CDH18: variants seen among roughly 807,000 people sequenced by gnomAD.
CDH18 encodes the protein cadherin 18.
In CDH18, 31 loss-of-function variants were observed where a neutral mutation model predicts 67.9. That is an observed-to-expected ratio of 0.46 (90% confidence interval 0.34 to 0.62). The LOEUF is 0.62. CDH18 is among the 20% of genes least tolerant of loss of function. The pLI is 0.01. For missense variants in CDH18, 890 were observed against 975.5 expected (o/e 0.91, Z 1.17); for synonymous variants, 362 against 347.2 (o/e 1.04, Z -0.48).
At chr5:20,377,028 A>AC (rs1340408899) in intron 1 of CDH18, among the ~76,000 whole-genome samples, 1 of 151,938 alleles carries the variant, frequency 6.6e-6, no homozygotes, top group Non-Finnish European at 1.5e-5. Flanking sequence ...AAAAAAAAAA[A>AC]AAAATATTAG....
chr5:20,060,964 C>T (rs1297971632), intron 2 of CDH18, among the ~76,000 whole-genome samples: 2 of 151,692 alleles, frequency 1.3e-5, no homozygotes, highest in Non-Finnish European at 2.9e-5. Flanking sequence ...AAAAAAGATG[C>T]TTCAAAATAG....
chr5:20,356,719 GTCTCTCTCTCTCTCTC>G lies in CDH18; in HGVS notation c.-579-101230_-579-101215del, dbSNP rs199599355. On this transcript the variant is annotated intron_variant, in intron 1 of 14. Coordinates refer to the CDH18 transcript ENST00000507958. ...TACCTAGATATGGATATATACCAAG[GTCTCTCTCTCTCTCTC>G]TCTCTCTCTCTCTCTCTCTATATAT... Among the ~76,000 whole-genome samples, 214 of 130,022 alleles carry G rather than the reference GTCTCTCTCTCTCTCTC, an allele frequency of 1.6e-3. 1 individual carries two copies. Among genetic ancestry groups the G allele is most frequent in the African/African-American group, 5.4e-3 (189 of 35,066 alleles). The allele number at this position is 130,022 out of a possible 152,430, so 85.3% of individuals were successfully genotyped here. A position where few individuals can be genotyped will look rare whatever the true frequency, so the allele number is the denominator to read the frequency against.
At chr5:19,951,002 A>G (rs1252865992) in intron 2 of CDH18, among the ~76,000 whole-genome samples, 2 of 152,134 alleles carry the variant, frequency 1.3e-5, no homozygotes, top group African/African-American at 4.8e-5. Flanking sequence ...GTGATTGGCT[A>G]TTTTAAGAGT....
chr5:19,496,859 T>C (rs1417406720), intron 11 of CDH18, among the ~76,000 whole-genome samples: 1 of 150,922 alleles, frequency 6.6e-6, no homozygotes, highest in Admixed American at 6.6e-5. Context: ...TTTTTTTCTC[T>C]TCCACTGTCC....
intron 5 of CDH18, among the ~76,000 whole-genome samples, chr5:19,637,241 C>T (rs1028034325): frequency 6.7e-6 from 1 of 149,270 alleles, no homozygotes; most frequent in Non-Finnish European, 1.5e-5. Flanking sequence ...ATTTATTGCA[C>T]AGAGTATGTT....
intron 2 of CDH18, among the ~76,000 whole-genome samples, chr5:19,840,168 T>G (rs894772718): frequency 1.4e-4 from 20 of 148,064 alleles, no homozygotes; most frequent in Non-Finnish European, 3.0e-4. Flanking sequence ...CTCAGGAGGC[T>G]AAGGCAGGAA....
At chr5:19,885,992 T>A (rs1240639691) in intron 2 of CDH18, 2 of 152,220 alleles carry the variant, frequency 1.3e-5, no homozygotes, top group African/African-American at 4.8e-5. Flanking sequence ...AACTTCTGTA[T>A]CATGCCATTT....
chr5:20,029,278 T>G (rs2150447795), intron 2 of CDH18, among the ~76,000 whole-genome samples: 1 of 152,252 alleles, frequency 6.6e-6, no homozygotes, highest in East Asian at 1.9e-4. Flanking sequence ...TCAAAGAGAT[T>G]CTTCGTGGTC....
At chr5:20,533,942 T>A (rs1756562999) in intron 1 of CDH18, among the ~76,000 whole-genome samples, 1 of 152,020 alleles carries the variant, frequency 6.6e-6, no homozygotes, top group Admixed American at 6.6e-5. Context: ...TCACAGATTT[T>A]TATATATAAA....
At chr5:19,619,303 G>T (rs1388529001) in intron 5 of CDH18, among the ~76,000 whole-genome samples, 1 of 152,164 alleles carries the variant, frequency 6.6e-6, no homozygotes, top group Non-Finnish European at 1.5e-5. Context: ...TGATTAGAAT[G>T]TTCAATGATA....
At chr5:19,859,923 C>T (rs1435929258) in intron 2 of CDH18, among the ~76,000 whole-genome samples, 8 of 151,610 alleles carry the variant, frequency 5.3e-5, no homozygotes, top group African/African-American at 1.9e-4. Context: ...CTCTTTGTCA[C>T]ACCATAAACA....
intron 1 of CDH18, among the ~76,000 whole-genome samples, chr5:20,371,667 G>A (rs1164170887): frequency 1.3e-5 from 2 of 152,208 alleles, no homozygotes; most frequent in East Asian, 3.9e-4. Flanking sequence ...GGAGACATAA[G>A]AACGTTCACA....
At chr5:20,386,184 C>T (rs1200650554) in intron 1 of CDH18, among the ~76,000 whole-genome samples, 3 of 152,132 alleles carry the variant, frequency 2.0e-5, no homozygotes, top group East Asian at 1.9e-4. Context: ...TTGGTCTATG[C>T]TTCCCTCTTC....
At position 19,547,491 on chromosome 5, in the gene CDH18, G is replaced by A. The variant is rs138872776; in HGVS notation, c.1254-3486C>T. ...AAGTTAGATCACCTTACAACTGTCA[G>A]TCTGGAAGAAAATAGGTTTTGTTTT... On this transcript the variant is annotated intron_variant, in intron 8 of 12. Coordinates refer to ENST00000382275, the MANE Select transcript of CDH18 (RefSeq NM_004934.5). 2.9e-3 allele frequency among the ~76,000 whole-genome samples: 444 copies of A among 152,288 alleles called. 2 individuals are homozygous for A. Among genetic ancestry groups the A allele is most frequent in the African/African-American group, 0.01 (423 of 41,558 alleles).
intron 2 of CDH18, among the ~76,000 whole-genome samples, chr5:20,044,985 T>C (rs1287572914): frequency 1.3e-5 from 2 of 152,184 alleles, no homozygotes; most frequent in African/African-American, 2.4e-5. Context: ...GTATTCTATC[T>C]CATTCATTCT....
intron 3 of CDH18, among the ~76,000 whole-genome samples, chr5:19,770,999 C>T (rs557055145): frequency 1.3e-5 from 2 of 152,182 alleles, no homozygotes; most frequent in Non-Finnish European, 2.9e-5. Context: ...GACACATCAA[C>T]ACCTGGGCTT....
At chr5:20,313,663 T>C (rs1737198194) in intron 1 of CDH18, among the ~76,000 whole-genome samples, 1 of 152,056 alleles carries the variant, frequency 6.6e-6, no homozygotes, top group African/African-American at 2.4e-5. Context: ...ATGGCTGTTA[T>C]CTGAGTGCCT....
chr5:20,105,968 T>C (rs1746897466), intron 2 of CDH18, among the ~76,000 whole-genome samples: 1 of 152,210 alleles, frequency 6.6e-6, no homozygotes, highest in African/African-American at 2.4e-5. Context: ...TGGAATGTAG[T>C]AAATAGGTAG....
rs545981741 is a variant in CDH18 at position 20,166,928 on chromosome 5, C to T, written c.-518+88516G>A. Among the ~76,000 whole-genome samples, 9 of 152,168 alleles carry T rather than the reference C, an allele frequency of 5.9e-5. No homozygotes were observed. The East Asian group carries it at 7.7e-4, about 13-fold the overall frequency. ...AAGAAATGTTTTTAAATAATTTTAA[C>T]GCTTCTTAATCTAAAAAGTATCTTG... On this transcript the variant is annotated intron_variant, in intron 2 of 14. Transcript: ENST00000507958.
Sources: gnomAD v4.1 joint callset for allele counts (sites outside exome capture counted in the v4.1 genomes callset) on GRCh38, gnomAD v4.1.1 for gene constraint, MANE v1.5 for transcripts, NCBI Gene and HGNC (gene_info 2026-07-23, HGNC 2026-07-21) for gene names.